The following PKHD1L1 variants were observed in gnomAD, a reference collection of about 807,000 sequenced individuals.
The protein encoded by PKHD1L1 is fibrocystin-L.
Under a neutral mutation model 462.9 loss-of-function variants are expected in PKHD1L1, and 434 were observed. The observed-to-expected ratio is 0.94, with a 90% CI of 0.87 to 1.02. The LOEUF is 1.02. Ranked by LOEUF, PKHD1L1 falls within the 50% of genes least tolerant of loss-of-function variation. The probability of loss-of-function intolerance (pLI) is 0.00; values close to 1 mark genes in which losing one functional copy is unlikely to be tolerated. For missense variants in PKHD1L1, 5,202 were observed against 5,096.1 expected (o/e 1.02, Z -0.63); for synonymous variants, 1,781 against 1,750.0 (o/e 1.02, Z -0.44).
rs1016357967 is a variant in PKHD1L1 at position 109,530,382 on chromosome 8, T to A, written c.*292T>A. The A allele has an allele frequency of 1.0e-5, 2 of 194,478 alleles. No individual in the cohort carries two copies. The highest frequency in any genetic ancestry group is 4.7e-5 in the African/African-American group (2 of 42,634). 12.0% of individuals were successfully genotyped at this position (194,478 alleles called of 1,614,324 possible). On this transcript the variant is annotated 3_prime_UTR_variant, in exon 78 of 78. Transcript: ENST00000378402. ...GTTATTGTACCAACAAATCATAGAA[T>A]CCTTTAAATAATGGAAAGAGCTTGT... is the stretch of plus-strand genomic sequence containing the variant.
intron 44 of PKHD1L1, 36 bp downstream of exon 44, chr8:109,454,282 C>T (rs2130796586): frequency 7.1e-7 from 1 of 1,415,456 alleles, no homozygotes. Flanking sequence ...TCATTTCCAA[C>T]CTGTCTCCAT....
rs145107867 is a variant in PKHD1L1 at position 109,391,491 on chromosome 8, T to C, written c.740+997T>C. 6.5e-3 allele frequency among the ~76,000 whole-genome samples: 985 copies of C among 152,294 alleles called. 7 individuals carry two copies. Among genetic ancestry groups the C allele is most frequent in the Middle Eastern group, 0.051 (15 of 294 alleles). ...GTGAAGAATCCCCTGGCTGTCATAG[T>C]AACTGGGTATGTTAATGGCCTTTAG... On this transcript the variant is annotated intron_variant, in intron 9 of 77. Coordinates refer to ENST00000378402, the MANE Select transcript of PKHD1L1 (RefSeq NM_177531.6).
At chr8:109,389,407 C>A (rs17445342) in intron 8 of PKHD1L1, among the ~76,000 whole-genome samples, 2 of 151,654 alleles carry the variant, frequency 1.3e-5, no homozygotes, top group African/African-American at 4.9e-5. Context: ...TACAGCATTC[C>A]GTGTCTAATT....
chr8:109,372,921 G>A (rs1364779886), intron 2 of PKHD1L1, among the ~76,000 whole-genome samples: 3 of 152,090 alleles, frequency 2.0e-5, no homozygotes, highest in South Asian at 2.1e-4. Flanking sequence ...ATTTTATTGA[G>A]GATTTTTGCA....
Position 109,448,179 on chromosome 8 carries a change from A to C in PKHD1L1, c.5813A>C (p.Asn1938Thr). Residue 1938 changes from asparagine (N) to threonine (T), a missense_variant, in exon 39 of 78, where the codon AAC (asparagine) becomes ACC (threonine). Coordinates refer to ENST00000378402, the MANE Select transcript of PKHD1L1 (RefSeq NM_177531.6). Reference protein sequence around the residue: ...PGTEIEITGSNFGFEILEISV... With the variant: ...PGTEIEITGSTFGFEILEISV... Reference sequence around the variant, plus strand: ...ACTGAAATTGAGATCACTGGATCCAACTTTGGCTTTGAGATCTTGGAAATC... The same window carrying C: ...ACTGAAATTGAGATCACTGGATCCACCTTTGGCTTTGAGATCTTGGAAATC... 1 of 1,610,848 alleles carries C rather than the reference A, an allele frequency of 6.2e-7. No homozygotes were observed. The highest frequency in any genetic ancestry group is 8.5e-7 in the Non-Finnish European group (1 of 1,178,360).
At chr8:109,430,665 A>G (rs567153741) in intron 27 of PKHD1L1, among the ~76,000 whole-genome samples, 2 of 152,274 alleles carry the variant, frequency 1.3e-5, no homozygotes, top group East Asian at 1.9e-4. Context: ...GCTTTTTTCA[A>G]TCAGAAAAAT....
intron 21 of PKHD1L1, among the ~76,000 whole-genome samples, chr8:109,417,786 G>C (rs1350090145): frequency 6.6e-6 from 1 of 152,084 alleles, no homozygotes; most frequent in Non-Finnish European, 1.5e-5. Context: ...TCCTGACCTC[G>C]TGATCCACCC....
In PKHD1L1 at chr8:109,497,154, CAG is replaced by C; in HGVS notation, c.10486_10487del (p.Ser3496CysfsTer5). On this transcript the variant is annotated frameshift_variant, in exon 65 of 78. Transcript: ENST00000378402. LOFTEE classifies it high-confidence loss of function. ...AACCTGCAAATTCTATTGCAGACCA[CAG>C]AGAGTGTGCACATTTATAATGTGAC... 1.9e-6 allele frequency: 3 copies of C among 1,613,734 alleles called. No homozygotes were observed. Among genetic ancestry groups the C allele is most frequent in the South Asian group, 1.1e-5 (1 of 91,066 alleles).
At chr8:109,477,141 C>T in intron 52 of PKHD1L1, 84 bp from the exon 53 acceptor site, 1 of 1,381,228 alleles carries the variant, frequency 7.2e-7, no homozygotes. Context: ...ACCTAAAGAA[C>T]ATTTTCCAAA....
intron 2 of PKHD1L1, among the ~76,000 whole-genome samples, chr8:109,371,977 G>A (rs1324460042): frequency 6.6e-6 from 1 of 152,050 alleles, no homozygotes; most frequent in East Asian, 1.9e-4. Flanking sequence ...GGATTGACTT[G>A]GCGATGCAGG....
In PKHD1L1 at chr8:109,464,989, G is replaced by A; in HGVS notation, c.8157G>A (p.Gly2719=). Residue 2719 remains glycine, a synonymous_variant, in exon 49 of 78, where the codon GGG becomes GGA. Coordinates refer to ENST00000378402, the MANE Select transcript of PKHD1L1 (RefSeq NM_177531.6). ...IVGHLDELGM[G]SAFCTAKGLV... is the part of the protein sequence containing the mutation. The stretch of plus-strand genomic sequence containing the variant: ...GCCATCTTGATGAACTGGGAATGGG[G>A]TCTGCATTTTGCACAGCAAAAGGCC... 2 of 1,613,840 alleles carry A rather than the reference G, an allele frequency of 1.2e-6. No homozygotes were observed. The highest frequency in any genetic ancestry group is 1.1e-5 in the South Asian group (1 of 91,084).
intron 65 of PKHD1L1, 130 bp downstream of exon 65, chr8:109,497,402 C>G (rs1819155310): frequency 9.0e-7 from 1 of 1,110,400 alleles, no homozygotes; most frequent in African/African-American, 1.6e-5. Flanking sequence ...TGCCTTTGTT[C>G]CCACTGCCCT....
intron 31 of PKHD1L1, 121 bp from the exon 32 acceptor site, chr8:109,438,776 G>GT (rs1312914626): frequency 2.4e-6 from 2 of 842,826 alleles, no homozygotes; most frequent in African/African-American, 3.5e-5. Context: ...GCCTCTCAAA[G>GT]TGTTAGGATT....
chr8:109,477,533 G>A, intron 53 of PKHD1L1, 137 bp downstream of exon 53: 2 of 789,712 alleles, frequency 2.5e-6, no homozygotes, highest in Non-Finnish European at 3.6e-6. Flanking sequence ...CACATTCACT[G>A]CTTTGCTTGA....
At chr8:109,393,730 G>A (rs1006068344) in intron 9 of PKHD1L1, among the ~76,000 whole-genome samples, 1 of 152,092 alleles carries the variant, frequency 6.6e-6, no homozygotes, top group Non-Finnish European at 1.5e-5. Flanking sequence ...AGATCAAACG[G>A]CATAATCAAT....
rs563811697 is a variant in PKHD1L1 at position 109,434,844 on chromosome 8, A to G, written c.3341-346A>G. 1.4e-4 allele frequency among the ~76,000 whole-genome samples: 21 copies of G among 152,204 alleles called. No homozygotes were observed. In the East Asian group the frequency reaches 3.1e-3, roughly 22 times the overall value. On this transcript the variant is annotated intron_variant, in intron 28 of 77. Transcript: ENST00000378402. ...ATTTCAGACATAATATGTTTGACCAAAAATTTTAGAATTATTAAATAAATG... is the reference window on the plus strand; with the variant it reads ...ATTTCAGACATAATATGTTTGACCAGAAATTTTAGAATTATTAAATAAATG...
chr8:109,426,963 T>C (rs755672052), intron 24 of PKHD1L1, 39 bp from the exon 25 acceptor site: 1 of 1,142,558 alleles, frequency 8.8e-7, no homozygotes, highest in South Asian at 1.2e-5. Context: ...CGTTTGTGAA[T>C]TGTGACTCCT....
At chr8:109,506,887 T>C (rs1819717670) in intron 68 of PKHD1L1, among the ~76,000 whole-genome samples, 1 of 152,172 alleles carries the variant, frequency 6.6e-6, no homozygotes, top group African/African-American at 2.4e-5. Context: ...CATTTGAATG[T>C]ATAGTACCTC....
chr8:109,479,403 T>C, intron 53 of PKHD1L1, 148 bp from the exon 54 acceptor site: 1 of 600,386 alleles, frequency 1.7e-6, no homozygotes, highest in South Asian at 2.1e-5. Flanking sequence ...GCACCATGTG[T>C]CAAGGGTCTT....
Sources: gnomAD v4.1 joint callset for allele counts (sites outside exome capture counted in the v4.1 genomes callset) on GRCh38, gnomAD v4.1.1 for gene constraint, MANE v1.5 for transcripts, NCBI Gene and HGNC (gene_info 2026-07-23, HGNC 2026-07-21) for gene names.